The following COMMD10 variants were observed in gnomAD, a reference collection of about 807,000 sequenced individuals.
COMMD10 encodes COMM domain-containing protein 10.
In COMMD10, 33 loss-of-function variants were observed where a neutral mutation model predicts 28.9. The observed-to-expected ratio is 1.14, with a 90% CI of 0.87 to 1.53. COMMD10 has a LOEUF of 1.53. Among genes scored for constraint, COMMD10 ranks in the 40% most tolerant of loss-of-function variants. COMMD10 has a pLI of 0.00. For synonymous variants in COMMD10, 110 were observed against 81.7 expected (o/e 1.35, Z -1.87); for missense variants, 310 against 233.4 (o/e 1.33, Z -2.14).
chr5:116,239,066 A>T (rs1482192482), intron 5 of COMMD10, among the ~76,000 whole-genome samples: 1 of 152,170 alleles, frequency 6.6e-6, no homozygotes, highest in African/African-American at 2.4e-5. Context: ...TGAAGTTCTT[A>T]ACTGTTGTCT....
intron 4 of COMMD10, among the ~76,000 whole-genome samples, chr5:116,126,698 T>G (rs187527537): frequency 0.022 from 3,351 of 151,732 alleles, 91 homozygotes; most frequent in African/African-American, 0.066. Context: ...TTAATAAATG[T>G]TGCTGGGAAA....
At chr5:116,288,222 T>TTTTTTG (rs1751271099) in intron 5 of COMMD10, among the ~76,000 whole-genome samples, 1 of 151,812 alleles carries the variant, frequency 6.6e-6, no homozygotes, top group African/African-American at 2.4e-5. Flanking sequence ...GATTAATAGT[T>TTTTTTG]TTTTTGTTTT....
chr5:116,140,514 T>A (rs1181957153), intron 5 of COMMD10, among the ~76,000 whole-genome samples: 2 of 151,844 alleles, frequency 1.3e-5, no homozygotes, highest in Admixed American at 6.6e-5. Flanking sequence ...TTGTCCTTAA[T>A]GGCTATACCA....
intron 5 of COMMD10, among the ~76,000 whole-genome samples, chr5:116,194,705 G>T (rs1164201749): frequency 3.3e-5 from 5 of 152,088 alleles, no homozygotes; most frequent in African/African-American, 1.2e-4. Context: ...GAGAAGTCCA[G>T]GACCAGACAG....
intron 5 of COMMD10, among the ~76,000 whole-genome samples, chr5:116,138,077 A>G (rs1325280762): frequency 6.6e-6 from 1 of 151,886 alleles, no homozygotes; most frequent in Admixed American, 6.6e-5. Context: ...AGTTGAAGGA[A>G]ATGCTAAGTG....
At chr5:116,171,055 C>A (rs1284061324) in intron 5 of COMMD10, among the ~76,000 whole-genome samples, 1 of 152,148 alleles carries the variant, frequency 6.6e-6, no homozygotes, top group African/African-American at 2.4e-5. Flanking sequence ...AGACTAGCTA[C>A]AGAATGAGAA....
intron 5 of COMMD10, among the ~76,000 whole-genome samples, chr5:116,274,815 T>G (rs1373458895): frequency 6.6e-6 from 1 of 151,786 alleles, no homozygotes; most frequent in African/African-American, 2.4e-5. Context: ...GATTTATTAT[T>G]GATCTTCTTG....
intron 5 of COMMD10, among the ~76,000 whole-genome samples, chr5:116,197,879 TAGG>T (rs535148330): frequency 2.8e-3 from 425 of 152,232 alleles, no homozygotes; most frequent in Non-Finnish European, 4.7e-3. Flanking sequence ...ATTGAGTCAG[TAGG>T]AGAAGTAGAA....
At chr5:116,182,235 TTACTC>T (rs370148368) in intron 5 of COMMD10, among the ~76,000 whole-genome samples, 5 of 152,068 alleles carry the variant, frequency 3.3e-5, no homozygotes, top group African/African-American at 4.8e-5. Flanking sequence ...AAAAGTTTCT[TTACTC>T]TAAGAACTGA....
chr5:116,283,918 T>C (rs1036756920), intron 5 of COMMD10, among the ~76,000 whole-genome samples: 1 of 151,758 alleles, frequency 6.6e-6, no homozygotes, highest in African/African-American at 2.4e-5. Flanking sequence ...TCACTTGAGC[T>C]CAGGGGTTTG....
rs548211024 is a variant in COMMD10 at position 116,211,786 on chromosome 5, G to A, written c.510+77608G>A. Among the ~76,000 whole-genome samples, 11 of 151,990 alleles carry A rather than the reference G, an allele frequency of 7.2e-5. No homozygotes were observed. The South Asian group carries it at 1.9e-3, about 26-fold the overall frequency. On this transcript the variant is annotated intron_variant, in intron 5 of 6. Transcript: ENST00000274458. ...CACACTCATACACACACATGCACAC[G>A]CACACTCTCTCACAGAGGCAGTCAA...
At chr5:116,157,312 G>A (rs894416081) in intron 5 of COMMD10, among the ~76,000 whole-genome samples, 2 of 152,070 alleles carry the variant, frequency 1.3e-5, no homozygotes, top group African/African-American at 4.8e-5. Context: ...AAAATGTAGT[G>A]GTTTAAAACA....
chr5:116,264,430 A>G (rs1186657876), intron 5 of COMMD10, among the ~76,000 whole-genome samples: 3 of 151,884 alleles, frequency 2.0e-5, no homozygotes, highest in Non-Finnish European at 4.4e-5. Context: ...TAATTTGACA[A>G]TTCATTTCAC....
chr5:116,162,034 C>T (rs549906287), intron 5 of COMMD10, among the ~76,000 whole-genome samples: 29 of 152,070 alleles, frequency 1.9e-4, no homozygotes, highest in Non-Finnish European at 3.4e-4. Context: ...TGGTTATTTT[C>T]GCCACTTTTT....
chr5:116,198,599 A>G (rs1046612545), intron 5 of COMMD10, among the ~76,000 whole-genome samples: 1 of 152,162 alleles, frequency 6.6e-6, no homozygotes, highest in Non-Finnish European at 1.5e-5. Context: ...ACAAGTGTAT[A>G]ATGACAGTAC....
At position 116,168,195 on chromosome 5, in the gene COMMD10, A is replaced by C. The variant is rs1018369006; in HGVS notation, c.510+34017A>C. On this transcript the variant is annotated intron_variant, in intron 5 of 6. Transcript: ENST00000274458. ...AAAAAGGGATTGCAGTCCTAGTGTC[A>C]GATAAAACAGACTTTAAAGCAACAA... is the stretch of plus-strand genomic sequence containing the variant. Among the ~76,000 whole-genome samples the C allele has an allele frequency of 2.6e-5, 4 of 151,112 alleles. No homozygotes were observed. In the East Asian group the frequency reaches 7.8e-4, roughly 29 times the overall value.
chr5:116,179,099 A>T (rs185356051), intron 5 of COMMD10, among the ~76,000 whole-genome samples: 1 of 152,206 alleles, frequency 6.6e-6, no homozygotes, highest in Non-Finnish European at 1.5e-5. Context: ...CCATTATGTT[A>T]TCAAACACTG....
chr5:116,109,142 G>T (rs899947737), intron 4 of COMMD10, among the ~76,000 whole-genome samples: 3 of 152,160 alleles, frequency 2.0e-5, no homozygotes, highest in Non-Finnish European at 4.4e-5. Context: ...TTTCTTTTTG[G>T]CCGTCTTGCC....
chr5:116,222,920 T>G (rs977314874), intron 5 of COMMD10, among the ~76,000 whole-genome samples: 1 of 152,104 alleles, frequency 6.6e-6, no homozygotes, highest in Non-Finnish European at 1.5e-5. Flanking sequence ...CTTGAACACC[T>G]GACCTTGTGA....
Sources: allele counts gnomAD v4.1 joint callset (sites outside exome capture counted in the v4.1 genomes callset), GRCh38; gene constraint gnomAD v4.1.1; transcripts MANE v1.5; gene names NCBI Gene and HGNC (gene_info 2026-07-23, HGNC 2026-07-21).